SV2C: variants seen among roughly 807,000 people sequenced by gnomAD.
SV2C encodes solute carrier family 22 member B3.
A neutral mutation model predicts 79.7 loss-of-function variants in SV2C; 49 were observed. The ratio of observed to expected loss-of-function variants is 0.61; its 90% CI spans 0.49 to 0.78. The LOEUF (loss-of-function observed/expected upper bound fraction) is 0.78, where lower values mean the gene tolerates loss of function less well. Among genes scored for constraint, SV2C ranks in the 30% least tolerant of loss-of-function variants. The pLI is 0.00. For missense variants in SV2C, 833 were observed against 912.9 expected (o/e 0.91, Z 1.13); for synonymous variants, 334 against 333.2 (o/e 1.00, Z -0.03).
chr5:75,978,025 C>A, the SV2C span, among the ~76,000 whole-genome samples: 1 of 152,282 alleles, frequency 6.6e-6, no homozygotes, highest in African/African-American at 2.4e-5. Flanking sequence ...TCTTTAACCA[C>A]CTTTTGTATA....
the SV2C span, among the ~76,000 whole-genome samples, chr5:75,887,757 C>T: frequency 6.7e-6 from 1 of 149,004 alleles, no homozygotes; most frequent in Non-Finnish European, 1.5e-5. Flanking sequence ...AAAAACAAAA[C>T]AAACAAACAA....
chr5:76,100,702 G>T (rs1747713343), intron 1 of SV2C, among the ~76,000 whole-genome samples: 3 of 152,182 alleles, frequency 2.0e-5, no homozygotes, highest in Non-Finnish European at 4.4e-5. Context: ...GTGCAACAGA[G>T]TGAGGATTCA....
chr5:75,888,830 A>T, the SV2C span, among the ~76,000 whole-genome samples: 1 of 152,002 alleles, frequency 6.6e-6, no homozygotes, highest in South Asian at 2.1e-4. Context: ...CTTGCATATT[A>T]TCCTTTATAT....
In SV2C at chr5:76,232,919, C is replaced by T. The variant is rs1199180758; in HGVS notation, c.913+23032C>T. Among the ~76,000 whole-genome samples the T allele has an allele frequency of 1.1e-4, 16 of 142,516 alleles. 1 individual carries two copies. Among genetic ancestry groups the T allele is most frequent in the East Asian group, 5.8e-4 (3 of 5,176 alleles). 93.5% of individuals were successfully genotyped at this position (142,516 alleles called of 152,430 possible). ...TTGGATTAGGATTGACTTGGCGATG[C>T]GGGCTCTTTTTTGGTTCCATATGAA... On this transcript the variant is annotated intron_variant, in intron 4 of 12. Transcript: ENST00000502798.
At chr5:76,049,007 G>GAA in the SV2C span, among the ~76,000 whole-genome samples, 2 of 88,838 alleles carry the variant, frequency 2.3e-5, no homozygotes, top group Non-Finnish European at 4.5e-5. Context: ...AAGAAAGAAA[G>GAA]AAAGAAAGAA....
chr5:76,033,869 C>T, the SV2C span, among the ~76,000 whole-genome samples: 1 of 151,572 alleles, frequency 6.6e-6, no homozygotes, highest in Non-Finnish European at 1.5e-5. Context: ...ATTGATTCTT[C>T]CTACCCATGA....
At chr5:76,035,359 T>C in the SV2C span, among the ~76,000 whole-genome samples, 3 of 152,166 alleles carry the variant, frequency 2.0e-5, no homozygotes, top group Non-Finnish European at 4.4e-5. Context: ...CAATTTTGGA[T>C]CTTTCCTCCT....
chr5:76,157,798 A>G (rs6897302), intron 2 of SV2C, among the ~76,000 whole-genome samples: 69,424 of 151,428 alleles, frequency 0.46, 16,195 homozygotes, highest in South Asian at 0.53. Context: ...TCTTCACTTA[A>G]CTTCCTTAAA....
chr5:76,225,660 T>C (rs1369768666), intron 4 of SV2C, among the ~76,000 whole-genome samples: 1 of 152,138 alleles, frequency 6.6e-6, no homozygotes, highest in African/African-American at 2.4e-5. Context: ...ATTTATGTAT[T>C]CCGTGCCCAG....
chr5:76,053,221 G>C, the SV2C span, among the ~76,000 whole-genome samples: 40 of 152,090 alleles, frequency 2.6e-4, no homozygotes, highest in African/African-American at 9.6e-4. Context: ...TTTGTTCCAA[G>C]TGTCATTTGT....
chr5:75,959,081 A>AT, the SV2C span, among the ~76,000 whole-genome samples: 1 of 151,866 alleles, frequency 6.6e-6, no homozygotes, highest in Non-Finnish European at 1.5e-5. Flanking sequence ...TTATGCATAT[A>AT]TTTTTCATTT....
intron 4 of SV2C, among the ~76,000 whole-genome samples, chr5:76,255,668 C>T (rs1187425829): frequency 2.6e-5 from 4 of 152,174 alleles, no homozygotes; most frequent in Non-Finnish European, 4.4e-5. Flanking sequence ...ATGTCAGCAC[C>T]GTGCCTGTGA....
At chr5:76,227,333 G>A (rs1374887733) in intron 4 of SV2C, among the ~76,000 whole-genome samples, 1 of 152,146 alleles carries the variant, frequency 6.6e-6, no homozygotes, top group Non-Finnish European at 1.5e-5. Flanking sequence ...TATGGTTTCT[G>A]TCTTGTAGTG....
intron 2 of SV2C, among the ~76,000 whole-genome samples, chr5:76,180,478 A>G (rs1350293931): frequency 6.6e-6 from 1 of 152,220 alleles, no homozygotes; most frequent in Non-Finnish European, 1.5e-5. Context: ...TTTCAAGGCA[A>G]TCATGTCCAT....
chr5:75,990,107 T>C, the SV2C span, among the ~76,000 whole-genome samples: 1 of 152,010 alleles, frequency 6.6e-6, no homozygotes, highest in Non-Finnish European at 1.5e-5. Flanking sequence ...CAGTTTACTA[T>C]GATGATAGTT....
intron 4 of SV2C, among the ~76,000 whole-genome samples, chr5:76,247,436 G>A (rs929718607): frequency 6.6e-6 from 1 of 152,108 alleles, no homozygotes; most frequent in Non-Finnish European, 1.5e-5. Context: ...CCATATCTAG[G>A]GATTGAAGTG....
the SV2C span, among the ~76,000 whole-genome samples, chr5:76,035,596 T>A: frequency 7.6e-6 from 1 of 131,348 alleles, no homozygotes; most frequent in Non-Finnish European, 1.6e-5. Flanking sequence ...CTAGTTTGAT[T>A]GCACTGTGAT....
At chr5:76,154,810 C>A (rs1324941786) in intron 2 of SV2C, among the ~76,000 whole-genome samples, 1 of 152,098 alleles carries the variant, frequency 6.6e-6, no homozygotes, top group Non-Finnish European at 1.5e-5. Context: ...AAGGATGCGT[C>A]CAGAGAAAAG....
At chr5:75,855,567 C>A in the SV2C span, among the ~76,000 whole-genome samples, 1 of 152,038 alleles carries the variant, frequency 6.6e-6, no homozygotes, top group African/African-American at 2.4e-5. Flanking sequence ...GCCTCTGTGT[C>A]ACATCTTGGT....
Sources: gnomAD v4.1 joint callset for allele counts (sites outside exome capture counted in the v4.1 genomes callset) on GRCh38, gnomAD v4.1.1 for gene constraint, MANE v1.5 for transcripts, NCBI Gene and HGNC (gene_info 2026-07-23, HGNC 2026-07-21) for gene names.